The following BRCA2 variants were observed in gnomAD, a reference collection of about 807,000 sequenced individuals.
The protein encoded by BRCA2 is breast cancer type 2 susceptibility protein.
Under a neutral mutation model 276.7 loss-of-function variants are expected in BRCA2, and 203 were observed. That is an observed-to-expected ratio of 0.73 (90% CI 0.65 to 0.82). The LOEUF is 0.82. BRCA2 is among the 40% of genes least tolerant of loss of function. The pLI is 0.00. For synonymous variants in BRCA2, 1,289 were observed against 1,338.4 expected (o/e 0.96, Z 0.81); for missense variants, 3,920 against 3,915.0 (o/e 1.00, Z -0.03).
At chr13:32,355,961 T>C (rs2072691141) in intron 14 of BRCA2, among the ~76,000 whole-genome samples, 1 of 151,914 alleles carries the variant, frequency 6.6e-6, no homozygotes, top group Non-Finnish European at 1.5e-5. Flanking sequence ...TATGAAGAAT[T>C]AAAAGGGGTA....
At chr13:32,397,990 C>G (rs2073047490) in intron 26 of BRCA2, among the ~76,000 whole-genome samples, 172 bp from the exon 27 acceptor site, 1 of 152,054 alleles carries the variant, frequency 6.6e-6, no homozygotes, top group Non-Finnish European at 1.5e-5. Flanking sequence ...AAATTACTTT[C>G]ATCTAGAATA....
chr13:32,336,984 C>A lies in BRCA2; in HGVS notation c.2629C>A (p.Pro877Thr), dbSNP rs80358524. Reference protein sequence around the residue: ...TTSISKITVNPDSEELFSDNE... With the variant: ...TTSISKITVNTDSEELFSDNE... ...TTCAATTTCAAAAATAACTGTCAAT[C>A]CAGACTCTGAAGAACTTTTCTCAGA... Residue 877 changes from proline to threonine, a missense_variant, in exon 11 of 27, where the codon CCA (proline) becomes ACA (threonine). Pro to Thr is a conservative substitution (Grantham distance 38, BLOSUM62 -1). This residue lies in a region of BRCA2 where 3,263 missense variants were observed against 3,156.9 expected (regional missense o/e 1.03). Transcript: ENST00000380152. The A allele has an allele frequency of 1.3e-6, 2 of 1,587,954 alleles. No individual in the cohort carries two copies. The highest frequency in any genetic ancestry group is 1.7e-6 in the Non-Finnish European group (2 of 1,172,284).
intron 24 of BRCA2, among the ~76,000 whole-genome samples, chr13:32,382,678 G>A (rs780769471): frequency 6.6e-6 from 1 of 152,204 alleles, no homozygotes; most frequent in Non-Finnish European, 1.5e-5. Flanking sequence ...AAGAGAAGAA[G>A]AGAAATGAAT....
Position 32,340,047 on chromosome 13 carries a change from G to A in BRCA2, c.5692G>A (p.Asp1898Asn), listed in dbSNP as rs1476725701. ...TATGGCAGGTTGTTACGAGGCATTG[G>A]ATGATTCAGAGGATATTCTTCATAA... ...KIMAGCYEAL[D>N]DSEDILHNSL... The change falls in exon 11 of 27, where the codon GAT becomes AAT. Residue 1898 changes from aspartate to asparagine, a missense_variant. Physicochemically the swap from Asp to Asn is conservative, Grantham distance 23. Transcript: ENST00000380152. 1 of 1,613,716 alleles carries A rather than the reference G, an allele frequency of 6.2e-7. No homozygotes were observed. Among genetic ancestry groups the A allele is most frequent in the African/African-American group, 1.3e-5 (1 of 75,042 alleles).
At chr13:32,361,434 G>A (rs184820499) in intron 16 of BRCA2, among the ~76,000 whole-genome samples, 2 of 152,282 alleles carry the variant, frequency 1.3e-5, no homozygotes, top group East Asian at 3.9e-4. Context: ...GAATACAGTC[G>A]ATTCTTTTGG....
chr13:32,323,632 T>A (rs2072322781), intron 3 of BRCA2, among the ~76,000 whole-genome samples: 1 of 152,238 alleles, frequency 6.6e-6, no homozygotes, highest in African/African-American at 2.4e-5. Context: ...AATGAGACTA[T>A]AATGAGACAT....
intron 13 of BRCA2, among the ~76,000 whole-genome samples, chr13:32,349,819 A>AT (rs1483571940): frequency 6.6e-6 from 1 of 150,552 alleles, no homozygotes; most frequent in Non-Finnish European, 1.5e-5. Flanking sequence ...CACATCAAAA[A>AT]AAAAAAAAAA....
At chr13:32,354,764 T>A in intron 13 of BRCA2, 97 bp from the exon 14 acceptor site, 2 of 861,450 alleles carry the variant, frequency 2.3e-6, no homozygotes, top group East Asian at 2.5e-5. Flanking sequence ...CAGAATAGTA[T>A]CACCATGTAG....
intron 20 of BRCA2, among the ~76,000 whole-genome samples, chr13:32,373,367 G>A (rs545456953): frequency 1.1e-4 from 17 of 151,812 alleles, no homozygotes; most frequent in African/African-American, 3.4e-4. Flanking sequence ...TTAGCTGGGC[G>A]TGGTGGCACG....
chr13:32,332,849 G>A lies in BRCA2; in HGVS notation c.1371G>A (p.Lys457=), dbSNP rs786202479. 2.5e-6 allele frequency: 4 copies of A among 1,611,656 alleles called. No homozygotes were observed. The highest frequency in any genetic ancestry group is 2.7e-5 in the African/African-American group (2 of 74,742). Residue 457 remains lysine (K), a synonymous_variant, in exon 10 of 27, where the codon AAG becomes AAA. Transcript: ENST00000380152. ...PRISSLPKSE[K]PLNEETVVNK... is the part of the protein sequence containing the mutation. ...TTTCTAGCCTACCAAAATCAGAGAA[G>A]CCATTAAATGAGGAAACAGTGGTAA...
intron 13 of BRCA2, among the ~76,000 whole-genome samples, chr13:32,352,457 A>T (rs1185324045): frequency 6.6e-6 from 1 of 152,248 alleles, no homozygotes; most frequent in Non-Finnish European, 1.5e-5. Flanking sequence ...GAAAACAAGA[A>T]TTATAATGTA....
At chr13:32,393,785 A>G (rs1249713774) in intron 24 of BRCA2, among the ~76,000 whole-genome samples, 1 of 152,016 alleles carries the variant, frequency 6.6e-6, no homozygotes, top group Non-Finnish European at 1.5e-5. Flanking sequence ...GGATTCCCTC[A>G]TGTCTAGTTG....
intron 24 of BRCA2, among the ~76,000 whole-genome samples, chr13:32,381,341 T>C (rs1244925955): frequency 6.6e-6 from 1 of 152,104 alleles, no homozygotes; most frequent in African/African-American, 2.4e-5. Context: ...TGTGTATAGT[T>C]TTTTTAGTGC....
intron 24 of BRCA2, among the ~76,000 whole-genome samples, chr13:32,383,130 G>A (rs1593194895): frequency 6.6e-6 from 1 of 152,226 alleles, no homozygotes; most frequent in African/African-American, 2.4e-5. Flanking sequence ...GGAGGCCAAG[G>A]TGGGTGGATC....
intron 25 of BRCA2, 93 bp from the exon 26 acceptor site, chr13:32,396,805 A>G (rs527747061): frequency 3.3e-6 from 5 of 1,530,564 alleles, no homozygotes; most frequent in Non-Finnish European, 3.6e-6. Flanking sequence ...TTTGGTCCAA[A>G]CTTTTCATTT....
intron 3 of BRCA2, among the ~76,000 whole-genome samples, chr13:32,323,762 T>C (rs1464111235): frequency 6.6e-6 from 1 of 152,204 alleles, no homozygotes; most frequent in Non-Finnish European, 1.5e-5. Flanking sequence ...GAAGCAACTA[T>C]TTTCTAAGAG....
At chr13:32,320,008 T>C (rs190989345) in intron 3 of BRCA2, among the ~76,000 whole-genome samples, 74 of 152,262 alleles carry the variant, frequency 4.9e-4, no homozygotes, top group Middle Eastern at 6.8e-3. Context: ...CCTTGAAGGA[T>C]AGGTGAGAGA....
chr13:32,336,963 A>G lies in BRCA2; in HGVS notation c.2608A>G (p.Ile870Val), dbSNP rs546036225. 3.2e-6 allele frequency: 5 copies of G among 1,584,760 alleles called. No individual in the cohort carries two copies. Among genetic ancestry groups the G allele is most frequent in the East Asian group, 2.2e-5 (1 of 44,754 alleles). Residue 870 changes from isoleucine (I) to valine (V), a missense_variant, in exon 11 of 27, where the codon ATT becomes GTT. Around this residue, in one of 2 missense-constraint regions of BRCA2, gnomAD observed 3,263 missense variants for 3,156.9 expected, o/e 1.03. Transcript: ENST00000380152. ...IQKNQEETTS[I>V]SKITVNPDSE... ...AAAAAATCAAGAAGAAACTACTTCA[A>G]TTTCAAAAATAACTGTCAATCCAGA...
intron 1 of BRCA2, among the ~76,000 whole-genome samples, chr13:32,316,047 C>A (rs903590821): frequency 6.6e-6 from 1 of 152,184 alleles, no homozygotes; most frequent in Admixed American, 6.5e-5. Context: ...CTGTATTTGC[C>A]TTACTTAAGC....
Sources: gnomAD v4.1 joint callset for allele counts (sites outside exome capture counted in the v4.1 genomes callset) on GRCh38, gnomAD v4.1.1 for gene constraint, gnomAD v4.1.1 regional missense constraint, MANE v1.5 for transcripts, NCBI Gene and HGNC (gene_info 2026-07-23, HGNC 2026-07-21) for gene names.